The following GAD1 variants were observed in gnomAD, a reference collection of about 807,000 sequenced individuals.
GAD1 encodes the protein glutamate decarboxylase 1.
GAD1 carries 35 observed loss-of-function variants against 75.2 expected under a neutral mutation model. The observed-to-expected ratio is 0.47, with a 90% CI of 0.36 to 0.62. GAD1 has a LOEUF of 0.62. Among genes scored for constraint, GAD1 ranks in the 20% least tolerant of loss-of-function variants. The pLI is 0.00. For missense variants in GAD1, 490 were observed against 758.5 expected (o/e 0.65, Z 4.16); for synonymous variants, 257 against 271.9 (o/e 0.95, Z 0.54).
intron 4 of GAD1, among the ~76,000 whole-genome samples, chr2:170,830,719 C>T (rs753648547): frequency 1.3e-5 from 2 of 152,206 alleles, no homozygotes; most frequent in African/African-American, 2.4e-5. Flanking sequence ...GCACTTCATT[C>T]CATGTCTGAG....
intron 5 of GAD1, among the ~76,000 whole-genome samples, chr2:170,836,314 T>C (rs537795669): frequency 6.6e-6 from 1 of 152,262 alleles, no homozygotes; most frequent in South Asian, 2.1e-4. Context: ...AATCCTGAAT[T>C]TGCTGAGAGC....
Position 170,853,786 on chromosome 2 carries a change from G to T in GAD1, c.1264-87G>T. 2 of 1,321,556 alleles carry T rather than the reference G, an allele frequency of 1.5e-6. No individual in the cohort carries two copies. Among genetic ancestry groups the T allele is most frequent in the Non-Finnish European group, 1.1e-6 (1 of 916,182 alleles). The allele number at this position is 1,321,556 out of a possible 1,614,324, so 81.9% of individuals were successfully genotyped here. A position where few individuals can be genotyped will look rare whatever the true frequency, so the allele number is the denominator to read the frequency against. ...GAAGAAAGATTGCATATGACCCCAA[G>T]CCCCTCCTTCCAAGCAGCCTAGTTT... On this transcript the variant is annotated intron_variant, in intron 13 of 16. Coordinates refer to ENST00000358196, the MANE Select transcript of GAD1 (RefSeq NM_000817.3). The surrounding 1 kb of genome is among the most constrained non-coding windows in gnomAD (Gnocchi z 4.1).
In GAD1 at chr2:170,818,330, G is replaced by C; in HGVS notation, c.-63-199G>C. The C allele has an allele frequency of 2.4e-6, 1 of 422,916 alleles. No homozygotes were observed. The allele number at this position is 422,916 out of a possible 1,614,324, so 26.2% of individuals were successfully genotyped here. Reference sequence around the variant, plus strand: ...CCAGGGCTACGCTCCCTGCGCCCCAGTACCGGAGCTAGCGCGCACGTCTCC... The same window carrying C: ...CCAGGGCTACGCTCCCTGCGCCCCACTACCGGAGCTAGCGCGCACGTCTCC... On this transcript the variant is annotated intron_variant, in intron 1 of 16. Coordinates refer to ENST00000358196, the MANE Select transcript of GAD1 (RefSeq NM_000817.3). The surrounding 1 kb of genome is among the most constrained non-coding windows in gnomAD (Gnocchi z 5.9).
chr2:170,853,956 G>A lies in GAD1; in HGVS notation c.1347G>A (p.Gly449=). 6.2e-7 allele frequency: 1 copy of A among 1,614,070 alleles called. No homozygotes were observed. The highest frequency in any genetic ancestry group is 8.5e-7 in the Non-Finnish European group (1 of 1,180,018). Residue 449 remains glycine (G), a synonymous_variant, in exon 14 of 17, where the codon GGG becomes GGA. Coordinates refer to ENST00000358196, the MANE Select transcript of GAD1 (RefSeq NM_000817.3). This position sits in a 1 kb window ranked among gnomAD's most constrained non-coding sequence, Gnocchi z 4.1. ...AGTATGATGTCTCCTACGACACCGG[G>A]GACAAGGCAATTCAGTGTGGCCGCC... ...DKQYDVSYDT[G]DKAIQCGRHV... is the part of the protein sequence containing the mutation.
intron 3 of GAD1, among the ~76,000 whole-genome samples, chr2:170,825,597 G>A (rs1006915471): frequency 3.3e-5 from 5 of 152,184 alleles, no homozygotes; most frequent in Non-Finnish European, 5.9e-5. Context: ...ATACCTGTGC[G>A]CACATGCACG....
At chr2:170,833,304 C>T (rs762624628) in intron 5 of GAD1, among the ~76,000 whole-genome samples, 1 of 152,234 alleles carries the variant, frequency 6.6e-6, no homozygotes, top group African/African-American at 2.4e-5. Flanking sequence ...GGTCTGCCAA[C>T]ACCACTGGAA....
At chr2:170,837,019 A>C (rs1306776660) in intron 6 of GAD1, 136 bp downstream of exon 6, 3 of 675,880 alleles carry the variant, frequency 4.4e-6, no homozygotes, top group Non-Finnish European at 7.9e-6. Context: ...TAGGTTTATC[A>C]CAGTTCTGAT....
At chr2:170,832,489 C>T (rs1370423880) in intron 5 of GAD1, among the ~76,000 whole-genome samples, 2 of 152,170 alleles carry the variant, frequency 1.3e-5, no homozygotes, top group Admixed American at 1.3e-4. Context: ...AACATGATTA[C>T]ATCCGCAAAG....
chr2:170,841,578 A>T (rs1030172972), intron 6 of GAD1, among the ~76,000 whole-genome samples: 2 of 152,244 alleles, frequency 1.3e-5, no homozygotes, highest in African/African-American at 2.4e-5. Context: ...AGAAATTTTT[A>T]AAAACTGCTT....
chr2:170,858,452 A>T (rs538801644), intron 15 of GAD1, among the ~76,000 whole-genome samples: 1 of 152,338 alleles, frequency 6.6e-6, no homozygotes, highest in East Asian at 1.9e-4. Context: ...GCATCCATAA[A>T]CTATGTTTCA....
chr2:170,846,115 G>A, intron 10 of GAD1, 52 bp downstream of exon 10: 1 of 1,423,034 alleles, frequency 7.0e-7, no homozygotes, highest in Non-Finnish European at 9.9e-7. Flanking sequence ...CCTTCTTTCT[G>A]TCCTAGACAA....
At position 170,818,403 on chromosome 2, in the gene GAD1, T is replaced by C; in HGVS notation, c.-63-126T>C. 1.6e-6 allele frequency: 1 copy of C among 639,028 alleles called. No homozygotes were observed. Among genetic ancestry groups the C allele is most frequent in the South Asian group, 1.8e-5 (1 of 55,628 alleles). 39.6% of individuals were successfully genotyped at this position (639,028 alleles called of 1,614,324 possible). On this transcript the variant is annotated intron_variant, in intron 1 of 16. Transcript: ENST00000358196. The surrounding 1 kb of genome is among the most constrained non-coding windows in gnomAD (Gnocchi z 5.9). Reference sequence around the variant, plus strand: ...ACCCCTACCAGGCAGGCTCGCTGCCTTTCCTCCCTCTTGTCTCTCCAGAGC... The same window carrying C: ...ACCCCTACCAGGCAGGCTCGCTGCCCTTCCTCCCTCTTGTCTCTCCAGAGC...
intron 6 of GAD1, among the ~76,000 whole-genome samples, chr2:170,838,910 A>T (rs1702435022): frequency 6.6e-6 from 1 of 152,044 alleles, no homozygotes; most frequent in Non-Finnish European, 1.5e-5. Context: ...ATCGATAGAG[A>T]AGGTTATTTA....
chr2:170,839,051 G>A (rs1023075201), intron 6 of GAD1, among the ~76,000 whole-genome samples: 5 of 152,248 alleles, frequency 3.3e-5, no homozygotes, highest in Admixed American at 3.3e-4. Context: ...GTCAGGAGCT[G>A]AGGCAAAATT....
intron 12 of GAD1, among the ~76,000 whole-genome samples, chr2:170,850,147 A>G (rs145813639): frequency 1.3e-5 from 2 of 152,242 alleles, no homozygotes; most frequent in Admixed American, 1.3e-4. Context: ...ATAAAAATGC[A>G]TATCTGATAA....
intron 15 of GAD1, among the ~76,000 whole-genome samples, chr2:170,857,765 T>C (rs940314805): frequency 2.0e-5 from 3 of 152,230 alleles, no homozygotes; most frequent in African/African-American, 7.2e-5. Flanking sequence ...CCTCAGTTCA[T>C]GTGCATACTG....
chr2:170,844,284 G>A, intron 7 of GAD1, 127 bp downstream of exon 7: 1 of 669,812 alleles, frequency 1.5e-6, no homozygotes, highest in South Asian at 1.6e-5. Context: ...ATTTTTTCAA[G>A]ATGAAGGCTA....
At chr2:170,834,877 C>A (rs1279160006) in intron 5 of GAD1, among the ~76,000 whole-genome samples, 1 of 150,898 alleles carries the variant, frequency 6.6e-6, no homozygotes, top group African/African-American at 2.4e-5. Context: ...TCAAGCGATT[C>A]CCCTGCCTCA....
chr2:170,848,933 G>T, intron 11 of GAD1: 1 of 420,312 alleles, frequency 2.4e-6, no homozygotes, highest in Non-Finnish European at 4.6e-6. Flanking sequence ...TCAGTTTTTT[G>T]AGCAGCTTCC....
Sources: gnomAD v4.1 joint callset for allele counts (sites outside exome capture counted in the v4.1 genomes callset) on GRCh38, gnomAD v4.1.1 for gene constraint, Gnocchi (gnomAD v3.1) non-coding constraint, MANE v1.5 for transcripts, NCBI Gene and HGNC (gene_info 2026-07-23, HGNC 2026-07-21) for gene names.